The following MSH3 variants were observed in gnomAD, a reference collection of about 807,000 sequenced individuals.
The protein encoded by MSH3 is mutS homolog 3.
In MSH3, 106 loss-of-function variants were observed where a neutral mutation model predicts 123.3. That is an observed-to-expected ratio of 0.86 (90% CI 0.73 to 1.01). The LOEUF is 1.01. MSH3 is among the 50% of genes least tolerant of loss of function. MSH3 has a pLI of 0.00. For synonymous variants in MSH3, 515 were observed against 481.4 expected (o/e 1.07, Z -0.91); for missense variants, 1,459 against 1,347.6 (o/e 1.08, Z -1.29).
At chr5:80,778,997 C>CTT (rs368557083) in intron 17 of MSH3, among the ~76,000 whole-genome samples, 161 bp downstream of exon 17, 17 of 131,274 alleles carry the variant, frequency 1.3e-4, no homozygotes, top group African/African-American at 4.5e-4. Flanking sequence ...TTTTTTTTTA[C>CTT]TTTTTTTTTT....
intron 5 of MSH3, 110 bp downstream of exon 5, chr5:80,672,470 A>G (rs1749745692): frequency 7.3e-6 from 6 of 824,790 alleles, no homozygotes; most frequent in South Asian, 1.4e-5. Context: ...AGAATTTTGC[A>G]TTTTACAGAA....
intron 6 of MSH3, among the ~76,000 whole-genome samples, chr5:80,673,599 A>C (rs1350560504): frequency 6.6e-6 from 1 of 152,186 alleles, no homozygotes; most frequent in East Asian, 1.9e-4. Context: ...GTCAGAATTA[A>C]GACAGAGTTA....
intron 20 of MSH3, among the ~76,000 whole-genome samples, chr5:80,830,947 A>G (rs1745405491): frequency 6.6e-6 from 1 of 152,168 alleles, no homozygotes; most frequent in Non-Finnish European, 1.5e-5. Context: ...CTGTAGTGTG[A>G]TCTTATTGCA....
In MSH3 at chr5:80,654,660, G is replaced by A. The variant is rs777126509; in HGVS notation, c.-68G>A. On this transcript the variant is annotated 5_prime_UTR_variant, in exon 1 of 24. Coordinates refer to ENST00000265081, the MANE Select transcript of MSH3 (RefSeq NM_002439.5). Reference sequence around the variant, plus strand: ...GGCGTGCTCGCGCCCGCAGACGCCTGGGAACTGCGGCCGCGGGCTCGCGCT... The same window carrying A: ...GGCGTGCTCGCGCCCGCAGACGCCTAGGAACTGCGGCCGCGGGCTCGCGCT... The A allele has an allele frequency of 1.4e-6, 2 of 1,479,916 alleles. No individual in the cohort carries two copies. Among genetic ancestry groups the A allele is most frequent in the Non-Finnish European group, 9.1e-7 (1 of 1,093,586 alleles). The allele number at this position is 1,479,916 out of a possible 1,614,324, so 91.7% of individuals were successfully genotyped here.
chr5:80,685,816 C>A (rs774033005), intron 8 of MSH3, among the ~76,000 whole-genome samples: 1 of 151,904 alleles, frequency 6.6e-6, no homozygotes, highest in African/African-American at 2.4e-5. Flanking sequence ...TTAGTACAGC[C>A]GTCACTGTAT....
At chr5:80,716,687 G>A (rs1750968148) in intron 8 of MSH3, among the ~76,000 whole-genome samples, 1 of 152,142 alleles carries the variant, frequency 6.6e-6, no homozygotes, top group Admixed American at 6.5e-5. Context: ...AAAATCAGGT[G>A]TTTAGGATAC....
chr5:80,728,708 A>C (rs1743346596), intron 9 of MSH3, 143 bp from the exon 10 acceptor site: 3 of 575,184 alleles, frequency 5.2e-6, no homozygotes, highest in Non-Finnish European at 9.2e-6. Flanking sequence ...ATATTGTCCA[A>C]ATTATTATTT....
chr5:80,699,377 G>A lies in MSH3; in HGVS notation c.1340+20284G>A, dbSNP rs146527787. ...AGTTCCAGACCAGCCTGGCCAACAT[G>A]GTGAAACCCCACCTCTACTAAAGGT... On this transcript the variant is annotated intron_variant, in intron 8 of 23. Transcript: ENST00000265081. Among the ~76,000 whole-genome samples, 860 of 152,082 alleles carry A rather than the reference G, an allele frequency of 5.7e-3. 5 individuals carry two copies. The highest frequency in any genetic ancestry group is 7.5e-3 in the Non-Finnish European group (510 of 67,974).
At position 80,842,424 on chromosome 5, in the gene MSH3, T is replaced by G. The variant is rs112659107; in HGVS notation, c.2814-11706T>G. Among the ~76,000 whole-genome samples the G allele has an allele frequency of 2.0e-3, 312 of 152,258 alleles. 1 individual carries two copies. Among genetic ancestry groups the G allele is most frequent in the African/African-American group, 7.2e-3 (301 of 41,540 alleles). On this transcript the variant is annotated intron_variant, in intron 20 of 23. Transcript: ENST00000265081. ...GTTCCATATGAAGTTTAAAGTACTT[T>G]TTTCCAATTCTGTGAAGAAAATCAG... is the stretch of plus-strand genomic sequence containing the variant.
chr5:80,667,347 A>G (rs1209518325), intron 3 of MSH3, among the ~76,000 whole-genome samples: 2 of 152,236 alleles, frequency 1.3e-5, no homozygotes, highest in East Asian at 1.9e-4. Context: ...CAAAATAGGA[A>G]ACTCATCAAA....
intron 12 of MSH3, among the ~76,000 whole-genome samples, chr5:80,748,994 G>A (rs1743775885): frequency 6.6e-6 from 1 of 151,972 alleles, no homozygotes; most frequent in Non-Finnish European, 1.5e-5. Context: ...TTTCTTTCAT[G>A]AGTACCTCTT....
chr5:80,682,563 C>A (rs1749996441), intron 8 of MSH3, among the ~76,000 whole-genome samples: 1 of 151,946 alleles, frequency 6.6e-6, no homozygotes, highest in Non-Finnish European at 1.5e-5. Context: ...ACTAAAAATA[C>A]AAAAATTAGC....
chr5:80,835,252 TC>T (rs1416442594), intron 20 of MSH3, among the ~76,000 whole-genome samples: 4 of 152,226 alleles, frequency 2.6e-5, no homozygotes, highest in Admixed American at 6.5e-5. Context: ...TGTCAGACCA[TC>T]CCGTAGGAAA....
intron 22 of MSH3, among the ~76,000 whole-genome samples, chr5:80,869,841 T>TATATAC (rs376147429): frequency 7.5e-6 from 1 of 132,524 alleles, no homozygotes; most frequent in Non-Finnish European, 1.6e-5. Flanking sequence ...TACATATATA[T>TATATAC]ACACACACAC....
intron 8 of MSH3, among the ~76,000 whole-genome samples, chr5:80,686,867 A>G (rs998847691): frequency 6.6e-6 from 1 of 152,204 alleles, no homozygotes; most frequent in African/African-American, 2.4e-5. Flanking sequence ...ATAATATGTT[A>G]AAGCTGTGTG....
At chr5:80,751,156 CTTGTT>C (rs1256159705) in intron 12 of MSH3, among the ~76,000 whole-genome samples, 2 of 152,102 alleles carry the variant, frequency 1.3e-5, no homozygotes, top group East Asian at 3.8e-4. Context: ...CTCATACTAA[CTTGTT>C]AGAGCATGTC....
At chr5:80,675,230 C>G (rs1749814593) in intron 7 of MSH3, 102 bp downstream of exon 7, 1 of 1,244,090 alleles carries the variant, frequency 8.0e-7, no homozygotes, top group African/African-American at 1.5e-5. Context: ...ATGAAGTGTA[C>G]CTTCAGATAA....
At chr5:80,701,007 A>G (rs1750596319) in intron 8 of MSH3, among the ~76,000 whole-genome samples, 1 of 152,164 alleles carries the variant, frequency 6.6e-6, no homozygotes. Context: ...TGAGGATTTA[A>G]TTGCATAAAG....
At chr5:80,694,422 A>G (rs946646932) in intron 8 of MSH3, among the ~76,000 whole-genome samples, 3 of 152,088 alleles carry the variant, frequency 2.0e-5, no homozygotes, top group Admixed American at 6.6e-5. Flanking sequence ...ACCTCTGTCT[A>G]TGCTTCTTTA....
Sources: allele counts gnomAD v4.1 joint callset (sites outside exome capture counted in the v4.1 genomes callset), GRCh38; gene constraint gnomAD v4.1.1; transcripts MANE v1.5; gene names NCBI Gene and HGNC (gene_info 2026-07-23, HGNC 2026-07-21).